FAM184A: variants seen among roughly 807,000 people sequenced by gnomAD.
FAM184A encodes family with sequence similarity 184 member A.
Under a neutral mutation model 143.8 loss-of-function variants are expected in FAM184A, and 99 were observed. That is an observed-to-expected ratio of 0.69 (90% CI 0.58 to 0.81). FAM184A has a LOEUF of 0.81. FAM184A is among the 40% of genes least tolerant of loss of function. The pLI is 0.00. For missense variants in FAM184A, 1,217 were observed against 1,310.5 expected, an observed-to-expected ratio of 0.93 and a Z score of 1.10; for synonymous variants, 427 against 446.4, an observed-to-expected ratio of 0.96 and a Z score of 0.55.
chr6:119,129,712 G>T lies in FAM184A; in HGVS notation c.-202+19366C>A, dbSNP rs1413087419. The stretch of plus-strand genomic sequence containing the variant: ...TTTTTTGGTTTCATTTTTGTGTTTT[G>T]TGTGTGTGTGTGGGGGGTTGTTATT... On this transcript the variant is annotated intron_variant, in intron 1 of 16. Transcript: ENST00000352896. Among the ~76,000 whole-genome samples, 3 of 124,792 alleles carry T rather than the reference G, an allele frequency of 2.4e-5. No homozygotes were observed. The Admixed American group carries it at 2.4e-4, about 10-fold the overall frequency. The allele number at this position is 124,792 out of a possible 152,430, so 81.9% of individuals were successfully genotyped here.
At chr6:119,037,098 CT>C (rs1231122477) in intron 1 of FAM184A, among the ~76,000 whole-genome samples, 6 of 152,084 alleles carry the variant, frequency 3.9e-5, no homozygotes, top group Non-Finnish European at 7.4e-5. Context: ...TAATTTGTCC[CT>C]GAAATTTAAC....
chr6:119,006,268 T>G lies in FAM184A; in HGVS notation c.1815+179A>C. The G allele has an allele frequency of 4.0e-6, 3 of 745,336 alleles. No homozygotes were observed. The South Asian group carries it at 4.6e-5, about 11-fold the overall frequency. The allele number at this position is 745,336 out of a possible 1,614,324, so 46.2% of individuals were successfully genotyped here. A position where few individuals can be genotyped will look rare whatever the true frequency, so the allele number is the denominator to read the frequency against. On this transcript the variant is annotated intron_variant, in intron 7 of 17. Transcript: ENST00000338891. ...ATGTTGGACTTCTAGCCTCCAGAGCTATGAGAGAATAAATTTCTGTTGTTT... is the reference window on the plus strand; with the variant it reads ...ATGTTGGACTTCTAGCCTCCAGAGCGATGAGAGAATAAATTTCTGTTGTTT...
In FAM184A at chr6:118,975,857, A is replaced by G. The variant is rs143465732; in HGVS notation, c.2583+60T>C. The G allele has an allele frequency of 2.7e-5, 40 of 1,499,172 alleles. No individual in the cohort carries two copies. In the East Asian group the frequency reaches 9.0e-4, roughly 34 times the overall value. The allele number at this position is 1,499,172 out of a possible 1,614,324, so 92.9% of individuals were successfully genotyped here. ...ATTACAAAATAATTTTCAGGAAATT[A>G]TGAACATTCAATCTATTCAAATTTA... On this transcript the variant is annotated intron_variant, in intron 12 of 17. Transcript: ENST00000338891.
intron 7 of FAM184A, 123 bp downstream of exon 7, chr6:119,006,324 G>T: frequency 1.1e-6 from 1 of 932,272 alleles, no homozygotes; most frequent in Non-Finnish European, 1.7e-6. Context: ...ACTTTGTTAT[G>T]GTAGTTCTAA....
At chr6:118,969,993 A>ATATATTTT (rs1189865476) in intron 14 of FAM184A, among the ~76,000 whole-genome samples, 3 of 24,378 alleles carry the variant, frequency 1.2e-4, no homozygotes, top group African/African-American at 4.3e-4. Context: ...ATATATATAT[A>ATATATTTT]ATATATATAT....
At chr6:119,145,685 G>A (rs922152458) in intron 1 of FAM184A, among the ~76,000 whole-genome samples, 12 of 152,262 alleles carry the variant, frequency 7.9e-5, no homozygotes, top group African/African-American at 2.4e-4. Context: ...CAAATAAGGC[G>A]TGAGTGTTTT....
chr6:118,970,162 C>T (rs1000161431), intron 14 of FAM184A, among the ~76,000 whole-genome samples: 3 of 149,860 alleles, frequency 2.0e-5, no homozygotes, highest in Admixed American at 2.0e-4. Flanking sequence ...TGCCACCACA[C>T]TCGGCTAATT....
intron 5 of FAM184A, among the ~76,000 whole-genome samples, chr6:119,015,562 C>T (rs910119244): frequency 7.9e-5 from 12 of 152,254 alleles, no homozygotes; most frequent in South Asian, 2.1e-4. Context: ...TGCCTTCCCA[C>T]GGGGCAGGCC....
At chr6:118,962,346 T>G (rs1783358634) in intron 16 of FAM184A, 1 of 170,274 alleles carries the variant, frequency 5.9e-6, no homozygotes, top group Non-Finnish European at 1.3e-5. Flanking sequence ...TAGGCTAAAA[T>G]TAGGAGAAGG....
chr6:119,102,134 T>G (rs889477326), intron 1 of FAM184A, among the ~76,000 whole-genome samples: 1 of 152,148 alleles, frequency 6.6e-6, no homozygotes, highest in Non-Finnish European at 1.5e-5. Context: ...CTGAATAATA[T>G]TCTATCATGG....
chr6:119,086,689 A>G (rs576665626), intron 1 of FAM184A, among the ~76,000 whole-genome samples: 2 of 152,344 alleles, frequency 1.3e-5, no homozygotes, highest in South Asian at 4.1e-4. Context: ...CCTTGACAAG[A>G]GGATTGGGTC....
chr6:118,999,979 GT>G (rs1784696910), intron 9 of FAM184A, among the ~76,000 whole-genome samples: 1 of 152,150 alleles, frequency 6.6e-6, no homozygotes, highest in Non-Finnish European at 1.5e-5. Context: ...AATTTGTGAA[GT>G]ATAAACATTG....
At chr6:119,020,681 A>G (rs1264560550) in intron 3 of FAM184A, among the ~76,000 whole-genome samples, 4 of 152,212 alleles carry the variant, frequency 2.6e-5, no homozygotes, top group Non-Finnish European at 4.4e-5. Context: ...AATTTGTTTC[A>G]GGCAAGAGGC....
At chr6:119,099,113 G>GAAAACAAAACAAAAT (rs1290712083) in intron 1 of FAM184A, among the ~76,000 whole-genome samples, 2 of 152,080 alleles carry the variant, frequency 1.3e-5, no homozygotes, top group African/African-American at 2.4e-5. Context: ...TCCGTATCAA[G>GAAAACAAAACAAAAT]AAAACAAAAC....
At chr6:119,026,586 A>G (rs1453101505) in intron 1 of FAM184A, among the ~76,000 whole-genome samples, 1 of 152,216 alleles carries the variant, frequency 6.6e-6, no homozygotes, top group Non-Finnish European at 1.5e-5. Flanking sequence ...GGGGTCAGAC[A>G]TGCCTCATTA....
chr6:119,046,506 A>G (rs1786540258), intron 1 of FAM184A, among the ~76,000 whole-genome samples: 1 of 152,048 alleles, frequency 6.6e-6, no homozygotes, highest in Admixed American at 6.5e-5. Flanking sequence ...TAAAAAGTTA[A>G]CTACACCAAG....
At chr6:119,031,150 C>T (rs1309473982) in intron 1 of FAM184A, among the ~76,000 whole-genome samples, 2 of 151,958 alleles carry the variant, frequency 1.3e-5, no homozygotes, top group African/African-American at 4.8e-5. Context: ...ATTCTAGATC[C>T]TAGGTTTAAC....
intron 1 of FAM184A, among the ~76,000 whole-genome samples, chr6:119,123,854 A>G (rs1011358166): frequency 2.0e-5 from 3 of 152,194 alleles, no homozygotes; most frequent in East Asian, 1.9e-4. Flanking sequence ...ATTCAGAAAC[A>G]TTTGTTTCCT....
At chr6:119,139,288 TG>T (rs1772128610) in intron 1 of FAM184A, among the ~76,000 whole-genome samples, 2 of 152,348 alleles carry the variant, frequency 1.3e-5, no homozygotes, top group South Asian at 4.1e-4. Flanking sequence ...CCAGAGAGCT[TG>T]CTCTTTATTA....
Sources: gnomAD v4.1 joint callset for allele counts (sites outside exome capture counted in the v4.1 genomes callset) on GRCh38, gnomAD v4.1.1 for gene constraint, MANE v1.5 for transcripts, NCBI Gene and HGNC (gene_info 2026-07-23, HGNC 2026-07-21) for gene names.